Variants in RREB1 observed in about 807,000 individuals in gnomAD.
The protein encoded by RREB1 is ras-responsive element-binding protein 1.
A neutral mutation model predicts 117.8 loss-of-function variants in RREB1; 27 were observed. That is an observed-to-expected ratio of 0.23 (90% CI 0.17 to 0.32). RREB1 has a LOEUF of 0.32. RREB1 is among the 10% of genes least tolerant of loss of function. The pLI is 1.00. For synonymous variants in RREB1, 1,298 were observed against 1,026.7 expected, an observed-to-expected ratio of 1.26 and a Z score of -5.05; for missense variants, 2,577 against 2,378.2, an observed-to-expected ratio of 1.08 and a Z score of -1.74.
intron 1 of RREB1, among the ~76,000 whole-genome samples, chr6:7,129,870 G>A (rs1469612746): frequency 6.6e-6 from 1 of 152,188 alleles, no homozygotes; most frequent in Non-Finnish European, 1.5e-5. Flanking sequence ...GATTTATCTT[G>A]TTTATAATGT....
chr6:7,144,433 GTATT>G (rs1263641488), intron 1 of RREB1, among the ~76,000 whole-genome samples: 1 of 152,194 alleles, frequency 6.6e-6, no homozygotes, highest in African/African-American at 2.4e-5. Context: ...GTATTGAAGA[GTATT>G]TATAAGTAAC....
At position 7,241,961 on chromosome 6, in the gene RREB1, C is replaced by T. The variant is rs143611412; in HGVS notation, c.3973+1359C>T. Among the ~76,000 whole-genome samples the T allele has an allele frequency of 1.8e-3, 276 of 152,342 alleles. 1 individual carries two copies. Among genetic ancestry groups the T allele is most frequent in the Non-Finnish European group, 2.7e-3 (186 of 68,038 alleles). On this transcript the variant is annotated intron_variant, in intron 11 of 12. Coordinates refer to ENST00000379938, the MANE Select transcript of RREB1 (RefSeq NM_001003699.4). ...CCTGGAGTTCAGCCCACTGGAAGCG[C>T]ACACCAGTGCTGGCAGGCACGCGTT...
At chr6:7,237,165 A>G (rs571572996) in intron 10 of RREB1, among the ~76,000 whole-genome samples, 2 of 151,802 alleles carry the variant, frequency 1.3e-5, no homozygotes, top group African/African-American at 4.8e-5. Flanking sequence ...GGCTCACCAC[A>G]ACCTCTGCCT....
intron 1 of RREB1, among the ~76,000 whole-genome samples, chr6:7,176,235 A>T (rs79787580): frequency 0.019 from 2,837 of 152,112 alleles, 42 homozygotes; most frequent in Middle Eastern, 0.031. Flanking sequence ...AATTTCTTCA[A>T]CTGTCTTATT....
rs1403611633 is a variant in RREB1, at chr6:7,231,184, C to T, written c.3085C>T (p.Leu1029Phe). Residue 1029 changes from leucine (L) to phenylalanine (F), a missense_variant, in exon 10 of 13, where the codon CTC becomes TTC. Transcript: ENST00000379938. ...CTCAGCCCTGGTCAGCAGCCCTCCA[C>T]TCGTGGGCAGCTCAGCCCTCCTGAG... Reference protein sequence around the residue: ...YSSALVSSPPLVGSSALLSGT... With the variant: ...YSSALVSSPPFVGSSALLSGT... 2 of 1,611,632 alleles carry T rather than the reference C, an allele frequency of 1.2e-6. No homozygotes were observed. The highest frequency in any genetic ancestry group is 1.1e-5 in the South Asian group (1 of 91,050).
chr6:7,173,735 C>T (rs915304038), intron 1 of RREB1, among the ~76,000 whole-genome samples: 6 of 151,340 alleles, frequency 4.0e-5, no homozygotes, highest in African/African-American at 1.2e-4. Context: ...GCACAAGAAT[C>T]GCCTGAACCA....
chr6:7,229,849 G>A lies in RREB1; in HGVS notation c.1750G>A (p.Ala584Thr), dbSNP rs567952987. Residue 584 changes from alanine to threonine, a missense_variant, in exon 10 of 13, where the codon GCG becomes ACG. Physicochemically the swap from Ala to Thr is moderately conservative, Grantham distance 58 (BLOSUM62 0). Coordinates refer to ENST00000379938, the MANE Select transcript of RREB1 (RefSeq NM_001003699.4). This position sits in a 1 kb window ranked among gnomAD's most constrained non-coding sequence, Gnocchi z 4.5. Reference sequence around the variant, plus strand: ...GCGGCTCTCCCTGCAGCAGCCGCGGGCGGAGCTGCCGGGCCAGCCTGAGAT... The same window carrying A: ...GCGGCTCTCCCTGCAGCAGCCGCGGACGGAGCTGCCGGGCCAGCCTGAGAT... ...ATRLSLQQPR[A>T]ELPGQPEMKT... 15 of 1,610,424 alleles carry A rather than the reference G, an allele frequency of 9.3e-6. No homozygotes were observed. In the Admixed American group the frequency reaches 2.5e-4, roughly 27 times the overall value.
chr6:7,145,263 G>GT (rs1762806556), intron 1 of RREB1, among the ~76,000 whole-genome samples: 1 of 152,160 alleles, frequency 6.6e-6, no homozygotes, highest in Admixed American at 6.5e-5. Flanking sequence ...TTGGTGGTTG[G>GT]TTTTGACCTG....
intron 6 of RREB1, among the ~76,000 whole-genome samples, chr6:7,189,962 TTTTCCATATTCCTGTCCA>T (rs1765315933): frequency 6.6e-6 from 1 of 152,234 alleles, no homozygotes; most frequent in Non-Finnish European, 1.5e-5. Flanking sequence ...AGGGGTTTAC[TTTTCCATATTCCTGTCCA>T]GTCCTTATTC....
chr6:7,240,819 A>G (rs1768660549), intron 11 of RREB1, among the ~76,000 whole-genome samples: 1 of 152,198 alleles, frequency 6.6e-6, no homozygotes, highest in Non-Finnish European at 1.5e-5. Flanking sequence ...AGCAGAAAAC[A>G]GTGACAGTGC....
Position 7,230,394 on chromosome 6 carries a change from T to C in RREB1, c.2295T>C (p.Tyr765=), listed in dbSNP as rs1232770358. The part of the protein sequence containing the change: ...CRLCGEDLKH[Y]RALRIHMRTH... Reference sequence around the variant, plus strand: ...TGTGCGGCGAGGACCTCAAGCACTATCGTGCCCTGCGCATCCACATGCGCA... The same window carrying C: ...TGTGCGGCGAGGACCTCAAGCACTACCGTGCCCTGCGCATCCACATGCGCA... Residue 765 remains tyrosine (Y), a synonymous_variant, in exon 10 of 13, where the codon TAT becomes TAC. Coordinates refer to ENST00000379938, the MANE Select transcript of RREB1 (RefSeq NM_001003699.4). The C allele has an allele frequency of 1.9e-6, 3 of 1,593,022 alleles. No homozygotes were observed. In the East Asian group the frequency reaches 6.7e-5, roughly 36 times the overall value.
rs769099559 is a variant in RREB1 at position 7,229,352 on chromosome 6, C to T, written c.1253C>T (p.Ala418Val). The T allele has an allele frequency of 2.5e-6, 4 of 1,614,208 alleles. No homozygotes were observed. The highest frequency in any genetic ancestry group is 1.7e-5 in the Admixed American group (1 of 60,032). The part of the protein sequence containing the change: ...NLLSLSPFEA[A>V]SLGGSLTVLP... ...CTGAGCCTGTCACCTTTCGAAGCTG[C>T]TTCCCTAGGCGGTTCTCTCACAGTT... Residue 418 changes from alanine to valine, a missense_variant, in exon 10 of 13, where the codon GCT becomes GTT. By Grantham distance (64) the Ala-to-Val change is moderately conservative (BLOSUM62 0). Coordinates refer to ENST00000379938, the MANE Select transcript of RREB1 (RefSeq NM_001003699.4). This position sits in a 1 kb window ranked among gnomAD's most constrained non-coding sequence, Gnocchi z 4.5.
chr6:7,240,412 A>C (rs1561804924), intron 10 of RREB1, 26 bp from the exon 11 acceptor site: 1 of 1,591,350 alleles, frequency 6.3e-7, no homozygotes, highest in Admixed American at 1.7e-5. Context: ...AAGCCAGATA[A>C]ATATATATTT....
Position 7,144,969 on chromosome 6 carries a change from G to A in RREB1, c.-284-31686G>A, listed in dbSNP as rs548015769. Among the ~76,000 whole-genome samples the A allele has an allele frequency of 4.6e-5, 7 of 152,240 alleles. 1 individual carries two copies. Among genetic ancestry groups the A allele is most frequent in the South Asian group, 4.1e-4 (2 of 4,824 alleles). On this transcript the variant is annotated intron_variant, in intron 1 of 12. Transcript: ENST00000379938. ...ACATCTGCATTTTTTATAAAATTGC[G>A]ACATACAAACATAGTTAAGGGGGGA...
chr6:7,201,136 C>T (rs1383088222), intron 6 of RREB1, among the ~76,000 whole-genome samples: 1 of 152,104 alleles, frequency 6.6e-6, no homozygotes, highest in Non-Finnish European at 1.5e-5. Context: ...GCCTCTGCTC[C>T]GGAATGCAAC....
chr6:7,134,196 A>T (rs983657309), intron 1 of RREB1, among the ~76,000 whole-genome samples: 8 of 152,250 alleles, frequency 5.3e-5, no homozygotes, highest in African/African-American at 1.9e-4. Context: ...TATTTTAAAG[A>T]GAAAAATACT....
At chr6:7,223,258 A>T (rs1200464801) in intron 8 of RREB1, among the ~76,000 whole-genome samples, 117 of 51,412 alleles carry the variant, frequency 2.3e-3, no homozygotes, top group Non-Finnish European at 3.0e-3. Flanking sequence ...CTCTCTTTTT[A>T]AAAAAAAAAA....
Position 7,120,910 on chromosome 6 carries a change from C to T in RREB1, c.-285+12850C>T, listed in dbSNP as rs558799635. ...TATTGGCTCACCGCAGCCTCTGCCT[C>T]CTGCGTTCAAGTGATTCTCCCTCCT... is the stretch of plus-strand genomic sequence containing the variant. On this transcript the variant is annotated intron_variant, in intron 1 of 12. Transcript: ENST00000379938. 1.8e-4 allele frequency among the ~76,000 whole-genome samples: 27 copies of T among 150,644 alleles called. No individual in the cohort carries two copies. In the South Asian group the frequency reaches 5.5e-3, roughly 31 times the overall value.
At chr6:7,148,516 C>A (rs1216617667) in intron 1 of RREB1, among the ~76,000 whole-genome samples, 2 of 137,486 alleles carry the variant, frequency 1.5e-5, no homozygotes, top group African/African-American at 5.8e-5. Context: ...CCAACAGAGC[C>A]ATGTGGTACA....
Sources: allele counts gnomAD v4.1 joint callset (sites outside exome capture counted in the v4.1 genomes callset), GRCh38; gene constraint gnomAD v4.1.1; non-coding constraint Gnocchi (gnomAD v3.1); transcripts MANE v1.5; gene names NCBI Gene and HGNC (gene_info 2026-07-23, HGNC 2026-07-21).